LRRK2: variants seen among roughly 807,000 people sequenced by gnomAD.
LRRK2 encodes leucine rich repeat kinase 2, also known as leucine-rich repeat serine/threonine-protein kinase 2.
A neutral mutation model predicts 302.6 loss-of-function variants in LRRK2; 203 were observed. The ratio of observed to expected loss-of-function variants is 0.67; its 90% CI spans 0.60 to 0.75. LRRK2 has a LOEUF of 0.75. LRRK2 is among the 30% of genes least tolerant of loss of function. The pLI is 0.00. For synonymous variants in LRRK2, 1,066 were observed against 1,031.9 expected (o/e 1.03, Z -0.63); for missense variants, 2,830 against 2,951.0 (o/e 0.96, Z 0.95).
chr12:40,299,480 A>T (rs749563343), intron 25 of LRRK2, among the ~76,000 whole-genome samples: 2 of 152,232 alleles, frequency 1.3e-5, no homozygotes, highest in Non-Finnish European at 2.9e-5. Context: ...GAAAGAAGCC[A>T]ATCTGAAAAG....
At position 40,257,519 on chromosome 12, in the gene LRRK2, C is replaced by T. The variant is rs887270714; in HGVS notation, c.1418+142C>T. ...ACTGAAGCATTTTGCAATGTAATCT[C>T]GTGTCACTAGTACCATAGACTTACT... On this transcript the variant is annotated intron_variant, in intron 12 of 50. Coordinates refer to ENST00000298910, the MANE Select transcript of LRRK2 (RefSeq NM_198578.4). 1.9e-5 allele frequency: 17 copies of T among 916,770 alleles called. No individual in the cohort carries two copies. In the East Asian group the frequency reaches 2.5e-4, roughly 14 times the overall value. 56.8% of individuals were successfully genotyped at this position (916,770 alleles called of 1,614,324 possible).
Position 40,303,981 on chromosome 12 carries a change from T to A in LRRK2, c.3624T>A (p.Ile1208=). 1.2e-6 allele frequency: 2 copies of A among 1,613,800 alleles called. No individual in the cohort carries two copies. Among genetic ancestry groups the A allele is most frequent in the South Asian group, 2.2e-5 (2 of 91,080 alleles). ...CTTTAGATATGAGCAGCAATGATAT[T>A]CAGTACCTACCAGGTCCCGCACACT... is the stretch of plus-strand genomic sequence containing the variant. The part of the protein sequence containing the change: ...LRSLDMSSND[I]QYLPGPAHWK... The change falls in exon 27 of 51, where the codon ATT becomes ATA. Residue 1208 remains isoleucine (I), a synonymous_variant. Transcript: ENST00000298910.
intron 14 of LRRK2, among the ~76,000 whole-genome samples, chr12:40,268,862 T>C (rs1363494600): frequency 6.6e-6 from 1 of 152,148 alleles, no homozygotes; most frequent in Non-Finnish European, 1.5e-5. Context: ...GTTATGATAT[T>C]CCTCGACTGC....
intron 41 of LRRK2, among the ~76,000 whole-genome samples, chr12:40,344,447 C>T (rs1028290074): frequency 2.6e-5 from 4 of 152,202 alleles, no homozygotes; most frequent in Non-Finnish European, 5.9e-5. Context: ...GAACTAGTGA[C>T]TGTGTGGGTA....
At chr12:40,361,191 G>A (rs184983236) in intron 47 of LRRK2, among the ~76,000 whole-genome samples, 22 of 152,002 alleles carry the variant, frequency 1.4e-4, no homozygotes, top group African/African-American at 2.9e-4. Context: ...GATATACTGC[G>A]GAGTGCAGTG....
chr12:40,317,043 G>T (rs1945246484), intron 33 of LRRK2, among the ~76,000 whole-genome samples: 2 of 151,938 alleles, frequency 1.3e-5, no homozygotes, highest in African/African-American at 4.8e-5. Context: ...TAAGGAAGAG[G>T]TTTGCATCAG....
Position 40,328,434 on chromosome 12 carries a change from C to T in LRRK2, c.5731C>T (p.His1911Tyr). ...AGTGGCTGTGAAGATTTTTAATAAA[C>T]ATACATCACTCAGGCTGTTAAGACA... is the stretch of plus-strand genomic sequence containing the variant. ...EEVAVKIFNKHTSLRLLRQEL... is the reference protein window; with the variant it reads ...EEVAVKIFNKYTSLRLLRQEL... Residue 1911 changes from histidine to tyrosine, a missense_variant, in exon 39 of 51, where the codon CAT becomes TAT. Coordinates refer to ENST00000298910, the MANE Select transcript of LRRK2 (RefSeq NM_198578.4). 6.2e-7 allele frequency: 1 copy of T among 1,612,840 alleles called. No individual in the cohort carries two copies. The highest frequency in any genetic ancestry group is 8.5e-7 in the Non-Finnish European group (1 of 1,179,176).
chr12:40,229,452 T>C (rs549860147), intron 2 of LRRK2, among the ~76,000 whole-genome samples: 1 of 152,338 alleles, frequency 6.6e-6, no homozygotes, highest in East Asian at 1.9e-4. Context: ...TGACAGTCTT[T>C]AGAAAATTGA....
chr12:40,306,733 C>A (rs1347161331), intron 28 of LRRK2, among the ~76,000 whole-genome samples: 1 of 152,140 alleles, frequency 6.6e-6, no homozygotes, highest in African/African-American at 2.4e-5. Context: ...GCCTGGCATA[C>A]AATTAATAGT....
intron 35 of LRRK2, 30 bp from the exon 36 acceptor site, chr12:40,322,004 GC>G (rs1358714200): frequency 1.9e-6 from 3 of 1,610,912 alleles, no homozygotes; most frequent in Non-Finnish European, 2.5e-6. Context: ...AACTTAGGAA[GC>G]AGTTAATAAT....
intron 13 of LRRK2, among the ~76,000 whole-genome samples, chr12:40,261,742 T>C (rs775914089): frequency 5.1e-4 from 78 of 152,298 alleles, no homozygotes; most frequent in Non-Finnish European, 6.9e-4. Context: ...ATGAGATACC[T>C]AGGTGTACAT....
At chr12:40,257,555 A>G (rs1443050518) in intron 12 of LRRK2, among the ~76,000 whole-genome samples, 178 bp downstream of exon 12, 2 of 152,168 alleles carry the variant, frequency 1.3e-5, no homozygotes, top group Non-Finnish European at 2.9e-5. Flanking sequence ...TTATCTGAAC[A>G]CTGAAAGGAA....
In LRRK2 at chr12:40,356,150, A is replaced by G. The variant is rs922038810; in HGVS notation, c.6806A>G (p.Asp2269Gly). Residue 2269 changes from aspartate to glycine, a missense_variant, in exon 46 of 51, where the codon GAT (aspartate) becomes GGT (glycine). By Grantham distance (94) the Asp-to-Gly change is moderately conservative. This residue lies in a region of LRRK2 where 456 missense variants were observed against 456.3 expected (regional missense o/e 1.00). Coordinates refer to ENST00000298910, the MANE Select transcript of LRRK2 (RefSeq NM_198578.4). The part of the protein sequence containing the change: ...QKNFLLVGTA[D>G]GKLAIFEDKT... ...AATTTTCTTTTGGTTGGAACCGCTGATGGCAAGTTAGCAATTTTTGAAGAT... is the reference window on the plus strand; with the variant it reads ...AATTTTCTTTTGGTTGGAACCGCTGGTGGCAAGTTAGCAATTTTTGAAGAT... 1.2e-6 allele frequency: 2 copies of G among 1,612,454 alleles called. No individual in the cohort carries two copies. The highest frequency in any genetic ancestry group is 1.7e-6 in the Non-Finnish European group (2 of 1,179,290).
chr12:40,322,607 G>T (rs1945437670), intron 37 of LRRK2, 97 bp downstream of exon 37: 1 of 1,103,248 alleles, frequency 9.1e-7, no homozygotes, highest in African/African-American at 1.6e-5. Context: ...CATAAGGGAT[G>T]AGTTGAAAAA....
intron 46 of LRRK2, 72 bp downstream of exon 46, chr12:40,356,259 T>C: frequency 1.9e-6 from 2 of 1,056,742 alleles, no homozygotes; most frequent in Non-Finnish European, 2.8e-6. Flanking sequence ...CACACCCCTC[T>C]TATGGGATTA....
intron 14 of LRRK2, among the ~76,000 whole-genome samples, chr12:40,274,060 T>C (rs528140201): frequency 3.3e-5 from 5 of 152,166 alleles, no homozygotes; most frequent in Admixed American, 2.0e-4. Context: ...TCTTTAAAGT[T>C]TGGCAAACCT....
At chr12:40,293,152 A>C (rs1017562674) in intron 20 of LRRK2, among the ~76,000 whole-genome samples, 2 of 152,068 alleles carry the variant, frequency 1.3e-5, no homozygotes, top group African/African-American at 4.8e-5. Flanking sequence ...CAGTGATCAG[A>C]TTGCATACAA....
At position 40,278,192 on chromosome 12, in the gene LRRK2, G is replaced by C. The variant is rs180861646; in HGVS notation, c.2172G>C (p.Met724Ile). The change falls in exon 18 of 51, where the codon ATG becomes ATC. Residue 724 changes from methionine (M) to isoleucine (I), a missense_variant. Physicochemically the swap from Met to Ile is conservative, Grantham distance 10 (BLOSUM62 1). Around this residue, in one of 3 missense-constraint regions of LRRK2, gnomAD observed 2,121 missense variants for 2,148.0 expected, o/e 0.99. Coordinates refer to ENST00000298910, the MANE Select transcript of LRRK2 (RefSeq NM_198578.4). ...ERACDQNNSI[M>I]VECLLLLGAD... ...CGTGTGATCAGAATAACAGCATCAT[G>C]GTTGAATGCTTGCTTCTATTGGGAG... The C allele has an allele frequency of 1.2e-6, 2 of 1,614,082 alleles. No homozygotes were observed. Among genetic ancestry groups the C allele is most frequent in the Non-Finnish European group, 8.5e-7 (1 of 1,179,980 alleles).
intron 41 of LRRK2, among the ~76,000 whole-genome samples, chr12:40,344,229 C>T (rs1471011178): frequency 2.0e-5 from 3 of 152,094 alleles, no homozygotes; most frequent in East Asian, 3.9e-4. Context: ...AGAGTCTTTT[C>T]CTGCTTTAAG....
Sources: gnomAD v4.1 joint callset for allele counts (sites outside exome capture counted in the v4.1 genomes callset) on GRCh38, gnomAD v4.1.1 for gene constraint, gnomAD v4.1.1 regional missense constraint, MANE v1.5 for transcripts, NCBI Gene and HGNC (gene_info 2026-07-23, HGNC 2026-07-21) for gene names.